Variants in GNG7 observed in about 807,000 individuals in gnomAD.
The protein encoded by GNG7 is G protein subunit gamma 7, also known as guanine nucleotide-binding protein G(I)/G(S)/G(O) subunit gamma-7.
In GNG7, 1 loss-of-function variant was observed where a neutral mutation model predicts 4.0. The observed-to-expected ratio is 0.25, with a 90% CI of 0.09 to 1.18. GNG7 has a LOEUF of 1.18. Ranked by LOEUF, GNG7 falls within the 50% of genes most tolerant of loss-of-function variation. The pLI is 0.50. For synonymous variants in GNG7, 34 were observed against 36.9 expected (o/e 0.92, Z 0.29); for missense variants, 86 against 91.9 (o/e 0.94, Z 0.26).
At chr19:2,517,105 CA>C (rs1972746754) in intron 4 of GNG7, 1 of 152,266 alleles carries the variant, frequency 6.6e-6, no homozygotes, top group Admixed American at 6.5e-5. Flanking sequence ...AGGGCGATCA[CA>C]GGGGGAGGAT....
chr19:2,522,185 C>T lies in GNG7; in HGVS notation c.-37-1460G>A, dbSNP rs147389596. On this transcript the variant is annotated intron_variant, in intron 3 of 4. Coordinates refer to ENST00000382159, the MANE Select transcript of GNG7 (RefSeq NM_052847.3). ...GCTCAGCACCCTGCAGTGCCCAGGA[C>T]GGCCCCGCTCCAGGGAACGATCCAG... is the stretch of plus-strand genomic sequence containing the variant. Among the ~76,000 whole-genome samples the T allele has an allele frequency of 6.9e-4, 105 of 152,230 alleles. 1 individual carries two copies. The highest frequency in any genetic ancestry group is 2.4e-3 in the African/African-American group (101 of 41,528).
intron 4 of GNG7, among the ~76,000 whole-genome samples, chr19:2,519,646 A>G (rs1978297902): frequency 6.8e-6 from 1 of 147,574 alleles, no homozygotes; most frequent in African/African-American, 2.5e-5. Flanking sequence ...GTAGACTTCA[A>G]GCACAGCAGG....
chr19:2,623,676 T>C (rs751750748), intron 2 of GNG7, among the ~76,000 whole-genome samples: 3 of 151,666 alleles, frequency 2.0e-5, no homozygotes, highest in Non-Finnish European at 4.4e-5. Context: ...AGGTCAGGAG[T>C]TGGAGACCAG....
Position 2,512,500 on chromosome 19 carries a change from G to C in GNG7, c.*2522C>G. 2.8e-6 allele frequency: 1 copy of C among 363,148 alleles called. No individual in the cohort carries two copies. The highest frequency in any genetic ancestry group is 3.8e-6 in the Non-Finnish European group (1 of 261,212). The allele number at this position is 363,148 out of a possible 1,614,324, so 22.5% of individuals were successfully genotyped here. On this transcript the variant is annotated 3_prime_UTR_variant, in exon 5 of 5. Coordinates refer to ENST00000382159, the MANE Select transcript of GNG7 (RefSeq NM_052847.3). This position sits in a 1 kb window ranked among gnomAD's most constrained non-coding sequence, Gnocchi z 4.7. ...CCAAGGCCCTGTGGACAGTGAAGGA[G>C]AGGCCAGCCTGTCCTTCCCCTCCCC...
chr19:2,695,432 C>A (rs1280700729), intron 1 of GNG7, among the ~76,000 whole-genome samples: 1 of 152,204 alleles, frequency 6.6e-6, no homozygotes, highest in Non-Finnish European at 1.5e-5. Flanking sequence ...CACACAGATG[C>A]CTCATTCACG....
intron 2 of GNG7, among the ~76,000 whole-genome samples, chr19:2,574,864 C>G (rs559320318): frequency 6.6e-6 from 1 of 152,294 alleles, no homozygotes; most frequent in South Asian, 2.1e-4. Context: ...CTCTCCCGCT[C>G]TTGTCCGAAA....
intron 1 of GNG7, among the ~76,000 whole-genome samples, chr19:2,689,092 A>G (rs1913072514): frequency 6.6e-6 from 1 of 151,916 alleles, no homozygotes; most frequent in Non-Finnish European, 1.5e-5. Flanking sequence ...AAATTTAAAA[A>G]ATATTACTTT....
intron 3 of GNG7, among the ~76,000 whole-genome samples, chr19:2,543,221 C>CTTT (rs34642408): frequency 1.4e-4 from 17 of 121,688 alleles, no homozygotes; most frequent in African/African-American, 4.8e-4. Context: ...GCCTGGCCTC[C>CTTT]TTTTTTTTTT....
chr19:2,520,906 G>A (rs186619477), intron 3 of GNG7, among the ~76,000 whole-genome samples, 181 bp from the exon 4 acceptor site: 31 of 152,260 alleles, frequency 2.0e-4, no homozygotes, highest in Admixed American at 1.8e-3. Flanking sequence ...CATAGAGCCT[G>A]GCACGCGGTC....
At chr19:2,607,760 G>A (rs1035620307) in intron 2 of GNG7, among the ~76,000 whole-genome samples, 1 of 151,952 alleles carries the variant, frequency 6.6e-6, no homozygotes, top group Non-Finnish European at 1.5e-5. Flanking sequence ...TCCCAGTGGC[G>A]TCTCCGCTTC....
chr19:2,679,817 C>T (rs533597944), intron 1 of GNG7, among the ~76,000 whole-genome samples: 1 of 152,312 alleles, frequency 6.6e-6, no homozygotes, highest in Non-Finnish European at 1.5e-5. Context: ...CCAGGTAGCA[C>T]CTTCCTAAAT....
intron 2 of GNG7, among the ~76,000 whole-genome samples, chr19:2,596,673 C>CG (rs1555696653): frequency 3.3e-5 from 5 of 150,448 alleles, no homozygotes; most frequent in African/African-American, 2.4e-5. Flanking sequence ...TGTCCCCCCC[C>CG]CAAAAAAAAA....
intron 1 of GNG7, among the ~76,000 whole-genome samples, chr19:2,687,936 G>A (rs1983913060): frequency 6.9e-6 from 1 of 144,250 alleles, no homozygotes; most frequent in Non-Finnish European, 1.5e-5. Flanking sequence ...CTCCAACCTG[G>A]GCAACAAGAA....
At chr19:2,592,994 G>C (rs1350191945) in intron 2 of GNG7, among the ~76,000 whole-genome samples, 1 of 146,996 alleles carries the variant, frequency 6.8e-6, no homozygotes, top group African/African-American at 2.5e-5. Context: ...GACGGAGGGA[G>C]GGGAAAGGAG....
intron 1 of GNG7, among the ~76,000 whole-genome samples, chr19:2,686,209 G>A (rs1983866679): frequency 6.6e-6 from 1 of 151,620 alleles, no homozygotes; most frequent in Non-Finnish European, 1.5e-5. Flanking sequence ...CCAGGCTGGA[G>A]TGCAGTGGTG....
chr19:2,544,445 C>T (rs149617431), intron 3 of GNG7, among the ~76,000 whole-genome samples: 40 of 152,276 alleles, frequency 2.6e-4, no homozygotes, highest in Admixed American at 4.6e-4. Context: ...TGTGCAGTGG[C>T]GCGATCTCGG....
chr19:2,539,891 T>C lies in GNG7; in HGVS notation c.-38+15258A>G, dbSNP rs377673672. Reference sequence around the variant, plus strand: ...TTCTTTCTCTCTCCCTCTCCTTCCTTCCTTCCTCCTTCCCTCCCTCCCTCT... The same window carrying C: ...TTCTTTCTCTCTCCCTCTCCTTCCTCCCTTCCTCCTTCCCTCCCTCCCTCT... On this transcript the variant is annotated intron_variant, in intron 3 of 4. Coordinates refer to ENST00000382159, the MANE Select transcript of GNG7 (RefSeq NM_052847.3). 2.3e-4 allele frequency among the ~76,000 whole-genome samples: 30 copies of C among 132,916 alleles called. 3 individuals carry two copies. The South Asian group carries it at 4.4e-3, about 19-fold the overall frequency. 87.2% of individuals were successfully genotyped at this position (132,916 alleles called of 152,430 possible).
chr19:2,693,511 AC>A (rs1161605247), intron 1 of GNG7, among the ~76,000 whole-genome samples: 2 of 152,096 alleles, frequency 1.3e-5, no homozygotes, highest in African/African-American at 4.8e-5. Context: ...TTTCTACTTT[AC>A]CATCTTCCAA....
intron 1 of GNG7, among the ~76,000 whole-genome samples, chr19:2,664,617 C>G (rs1432456166): frequency 6.6e-6 from 1 of 152,166 alleles, no homozygotes; most frequent in East Asian, 1.9e-4. Context: ...ACCCTCAGTG[C>G]TCTAGAGACC....
Sources: gnomAD v4.1 joint callset for allele counts (sites outside exome capture counted in the v4.1 genomes callset) on GRCh38, gnomAD v4.1.1 for gene constraint, Gnocchi (gnomAD v3.1) non-coding constraint, MANE v1.5 for transcripts, NCBI Gene and HGNC (gene_info 2026-07-23, HGNC 2026-07-21) for gene names.